The following WDR33 variants were observed in gnomAD, a reference collection of about 807,000 sequenced individuals.
WDR33 encodes the protein WD repeat domain 33.
Under a neutral mutation model 164.9 loss-of-function variants are expected in WDR33, and 47 were observed. The observed-to-expected ratio is 0.29, with a 90% CI of 0.23 to 0.36. The LOEUF is 0.36. WDR33 is among the 10% of genes least tolerant of loss of function. The pLI is 1.00. For synonymous variants in WDR33, 505 were observed against 589.0 expected (o/e 0.86, Z 2.06); for missense variants, 1,137 against 1,754.1 (o/e 0.65, Z 6.28).
chr2:127,701,899 C>T lies in WDR33; in HGVS notation c.*4424G>A, dbSNP rs147371476. ...TCGGCGCTGGCGTTGGCGGGAAGCG[C>T]GCTGCTGCGGGGCGGCGCGGCGTGC... On this transcript the variant is annotated 3_prime_UTR_variant, in exon 22 of 22. Transcript: ENST00000322313. The T allele has an allele frequency of 1.4e-6, 2 of 1,455,300 alleles. No individual in the cohort carries two copies. Among genetic ancestry groups the T allele is most frequent in the Non-Finnish European group, 1.8e-6 (2 of 1,110,016 alleles). 90.1% of individuals were successfully genotyped at this position (1,455,300 alleles called of 1,614,324 possible). A position where few individuals can be genotyped will look rare whatever the true frequency, so the allele number is the denominator to read the frequency against.
Position 127,770,842 on chromosome 2 carries a change from C to T in WDR33, c.140G>A (p.Arg47Gln). 6.2e-7 allele frequency: 1 copy of T among 1,614,112 alleles called. No homozygotes were observed. Among genetic ancestry groups the T allele is most frequent in the Non-Finnish European group, 8.5e-7 (1 of 1,180,012 alleles). The change falls in exon 2 of 22, where the codon CGA (arginine) becomes CAA (glutamine). Residue 47 changes from arginine to glutamine, a missense_variant. This residue lies in a region of WDR33 where 1 missense variants were observed against 25.2 expected (regional missense o/e 0.04). Coordinates refer to ENST00000322313, the MANE Select transcript of WDR33 (RefSeq NM_018383.5). The surrounding 1 kb of genome is among the most constrained non-coding windows in gnomAD (Gnocchi z 4.9). Reference protein sequence around the residue: ...AMQQLTFDGKRMRKAVNRKTI... With the variant: ...AMQQLTFDGKQMRKAVNRKTI... ...TTTTCGGTTCACAGCTTTTCTCATT[C>T]GTTTTCCATCAAAAGTAAGCTGTTG...
chr2:127,774,120 T>C (rs1289867702), intron 1 of WDR33, among the ~76,000 whole-genome samples: 3 of 150,008 alleles, frequency 2.0e-5, no homozygotes, highest in Non-Finnish European at 4.4e-5. Flanking sequence ...GGCATGATCT[T>C]GGCTCACTGC....
intron 7 of WDR33, 142 bp downstream of exon 7, chr2:127,762,920 G>C (rs1023818565): frequency 6.9e-7 from 1 of 1,439,400 alleles, no homozygotes; most frequent in Non-Finnish European, 9.1e-7. Flanking sequence ...AAAGTGCTGG[G>C]TTTTTTTGAA....
rs1053198665 is a variant in WDR33 at position 127,712,673 on chromosome 2, ATC to A, written c.3308+908_3308+909del. On this transcript the variant is annotated intron_variant, in intron 18 of 21. Transcript: ENST00000322313. The surrounding 1 kb of genome is among the most constrained non-coding windows in gnomAD (Gnocchi z 4.0). ...TCCTCAATTTAAATGAGGTAACAACATCTGATACAAAATACTCAATTATCATC... is the reference window on the plus strand; with the variant it reads ...TCCTCAATTTAAATGAGGTAACAACATGATACAAAATACTCAATTATCATC... 2.0e-5 allele frequency among the ~76,000 whole-genome samples: 3 copies of A among 152,248 alleles called. No homozygotes were observed. Among genetic ancestry groups the A allele is most frequent in the African/African-American group, 7.2e-5 (3 of 41,474 alleles).
Position 127,736,586 on chromosome 2 carries a change from G to C in WDR33, c.725-9809C>G, listed in dbSNP as rs754977303. ...CTATGTAGGTAAAATGGTTTCTATT[G>C]ATTTGTACCAACTTGTATTTACATG... On this transcript the variant is annotated intron_variant, in intron 7 of 21. Coordinates refer to ENST00000322313, the MANE Select transcript of WDR33 (RefSeq NM_018383.5). The C allele has an allele frequency of 4.1e-6, 4 of 985,262 alleles. No homozygotes were observed. The East Asian group carries it at 4.5e-4, about 112-fold the overall frequency. 61.0% of individuals were successfully genotyped at this position (985,262 alleles called of 1,614,324 possible).
At chr2:127,731,252 G>A (rs1686697738) in intron 7 of WDR33, among the ~76,000 whole-genome samples, 4 of 130,910 alleles carry the variant, frequency 3.1e-5, no homozygotes, top group South Asian at 2.4e-4. Context: ...CCAAGATCAC[G>A]CCACTGCACT....
chr2:127,802,875 G>A (rs561998092), intron 1 of WDR33, among the ~76,000 whole-genome samples: 1 of 152,172 alleles, frequency 6.6e-6, no homozygotes, highest in South Asian at 2.1e-4. Context: ...CAGCTACTTG[G>A]GAGGCTGAGG....
chr2:127,797,596 A>C (rs1179568538), intron 1 of WDR33, among the ~76,000 whole-genome samples: 3 of 152,202 alleles, frequency 2.0e-5, no homozygotes, highest in Admixed American at 6.6e-5. Context: ...TATTCAGGTG[A>C]CCTGAATTCT....
At chr2:127,750,672 AAAAAAATAT>A (rs1384216515) in intron 7 of WDR33, among the ~76,000 whole-genome samples, 5 of 67,376 alleles carry the variant, frequency 7.4e-5, no homozygotes, top group South Asian at 7.2e-4. Context: ...AAAAAAAAAA[AAAAAAATAT>A]ATATATATAT....
intron 1 of WDR33, among the ~76,000 whole-genome samples, chr2:127,776,613 A>T (rs984683206): frequency 1.3e-5 from 2 of 152,170 alleles, no homozygotes; most frequent in African/African-American, 4.8e-5. Context: ...GGAGGCTGAG[A>T]TGGCAGCCTG....
At chr2:127,766,378 C>T (rs1687821171) in intron 4 of WDR33, among the ~76,000 whole-genome samples, 1 of 152,130 alleles carries the variant, frequency 6.6e-6, no homozygotes, top group Admixed American at 6.5e-5. Flanking sequence ...CTTTTCATTG[C>T]TTACCTGTAA....
intron 1 of WDR33, among the ~76,000 whole-genome samples, chr2:127,790,483 GATGA>G (rs1688804461): frequency 6.6e-6 from 1 of 152,110 alleles, no homozygotes; most frequent in African/African-American, 2.4e-5. Flanking sequence ...ATATTTCCTG[GATGA>G]GAGTATGTAG....
chr2:127,717,338 T>G lies in WDR33; in HGVS notation c.2761-75A>C, dbSNP rs775339782. 31 of 1,249,976 alleles carry G rather than the reference T, an allele frequency of 2.5e-5. No individual in the cohort carries two copies. Among genetic ancestry groups the G allele is most frequent in the Non-Finnish European group, 3.3e-5 (31 of 930,186 alleles). 77.4% of individuals were successfully genotyped at this position (1,249,976 alleles called of 1,614,324 possible). On this transcript the variant is annotated intron_variant, in intron 16 of 21. Coordinates refer to ENST00000322313, the MANE Select transcript of WDR33 (RefSeq NM_018383.5). The surrounding 1 kb of genome is among the most constrained non-coding windows in gnomAD (Gnocchi z 5.6). ...CATAAATAGTGATTGCATTATAACA[T>G]GACAAGATAAAAATACCCAGTAAAT...
In WDR33 at chr2:127,724,222, A is replaced by G. The variant is rs2105384537; in HGVS notation, c.1196+111T>C. ...AAACCACTACAAAAATATTCCCAAGAATAAGTTGGAATATAAATTACTATA... is the reference window on the plus strand; with the variant it reads ...AAACCACTACAAAAATATTCCCAAGGATAAGTTGGAATATAAATTACTATA... On this transcript the variant is annotated intron_variant, in intron 11 of 21. Transcript: ENST00000322313. This position sits in a 1 kb window ranked among gnomAD's most constrained non-coding sequence, Gnocchi z 4.8. The G allele has an allele frequency of 1.3e-6, 1 of 757,482 alleles. No homozygotes were observed. Among genetic ancestry groups the G allele is most frequent in the East Asian group, 2.9e-5 (1 of 34,546 alleles). The allele number at this position is 757,482 out of a possible 1,614,324, so 46.9% of individuals were successfully genotyped here.
chr2:127,706,266 C>T lies in WDR33; in HGVS notation c.*57G>A. ...CTTCCTTTTGTTTCTCTTGGTGAGT[C>T]CACAAGAAGTTCTTACATACTGTCC... is the stretch of plus-strand genomic sequence containing the variant. On this transcript the variant is annotated 3_prime_UTR_variant, in exon 22 of 22. Transcript: ENST00000322313. This position sits in a 1 kb window ranked among gnomAD's most constrained non-coding sequence, Gnocchi z 5.1. 6.9e-7 allele frequency: 1 copy of T among 1,443,204 alleles called. No homozygotes were observed. Among genetic ancestry groups the T allele is most frequent in the South Asian group, 1.5e-5 (1 of 67,442 alleles). 89.4% of individuals were successfully genotyped at this position (1,443,204 alleles called of 1,614,324 possible). A position where few individuals can be genotyped will look rare whatever the true frequency, so the allele number is the denominator to read the frequency against.
intron 1 of WDR33, among the ~76,000 whole-genome samples, chr2:127,795,647 CTCCT>C (rs1689010838): frequency 6.8e-6 from 1 of 146,738 alleles, no homozygotes; most frequent in Non-Finnish European, 1.5e-5. Flanking sequence ...ATGGCAAAAC[CTCCT>C]TTCTATAAAA....
At position 127,722,497 on chromosome 2, in the gene WDR33, G is replaced by C. The variant is rs1287638857; in HGVS notation, c.1518+94C>G. On this transcript the variant is annotated intron_variant, in intron 14 of 21. Coordinates refer to ENST00000322313, the MANE Select transcript of WDR33 (RefSeq NM_018383.5). The surrounding 1 kb of genome is among the most constrained non-coding windows in gnomAD (Gnocchi z 5.1). ...AACATGGGAAAAATGCTCCAGTACA[G>C]AAACACCTTCAACAGTGAGATAATC... 2 of 1,520,310 alleles carry C rather than the reference G, an allele frequency of 1.3e-6. No homozygotes were observed. The highest frequency in any genetic ancestry group is 8.8e-7 in the Non-Finnish European group (1 of 1,131,718). 94.2% of individuals were successfully genotyped at this position (1,520,310 alleles called of 1,614,324 possible).
At chr2:127,740,342 T>G (rs763144288) in intron 7 of WDR33, among the ~76,000 whole-genome samples, 9 of 126,328 alleles carry the variant, frequency 7.1e-5, no homozygotes, top group Non-Finnish European at 1.5e-4. Flanking sequence ...GATTTGTATT[T>G]CTCTACACAC....
intron 1 of WDR33, among the ~76,000 whole-genome samples, chr2:127,795,067 G>C (rs539987552): frequency 5.3e-5 from 8 of 149,704 alleles, no homozygotes; most frequent in African/African-American, 2.0e-4. Flanking sequence ...CATGGAATCT[G>C]TACAAGGGAA....
Sources: allele counts gnomAD v4.1 joint callset (sites outside exome capture counted in the v4.1 genomes callset), GRCh38; gene constraint gnomAD v4.1.1; regional missense constraint gnomAD v4.1.1; non-coding constraint Gnocchi (gnomAD v3.1); transcripts MANE v1.5; gene names NCBI Gene and HGNC (gene_info 2026-07-23, HGNC 2026-07-21).